CAPN13: variants seen among roughly 807,000 people sequenced by gnomAD.
CAPN13 encodes calpain-13.
A neutral mutation model predicts 98.4 loss-of-function variants in CAPN13; 90 were observed. That is an observed-to-expected ratio of 0.92 (90% CI 0.77 to 1.09). The LOEUF (loss-of-function observed/expected upper bound fraction) is 1.09, where lower values mean the gene tolerates loss of function less well. Among genes scored for constraint, CAPN13 ranks in the 50% least tolerant of loss-of-function variants. The pLI, the probability that CAPN13 is intolerant of heterozygous loss-of-function variation, is 0.00. For synonymous variants in CAPN13, 330 were observed against 305.5 expected (o/e 1.08, Z -0.84); for missense variants, 887 against 841.3 (o/e 1.05, Z -0.67).
intron 7 of CAPN13, among the ~76,000 whole-genome samples, chr2:30,762,526 C>G (rs1038090844): frequency 1.3e-5 from 2 of 152,168 alleles, no homozygotes; most frequent in African/African-American, 2.4e-5. Context: ...TGAGTGTCTC[C>G]TGGCCTCTTT....
At chr2:30,765,782 A>T (rs1673080081) in intron 5 of CAPN13, among the ~76,000 whole-genome samples, 1 of 152,356 alleles carries the variant, frequency 6.6e-6, no homozygotes, top group Non-Finnish European at 1.5e-5. Context: ...AATGGCTTAG[A>T]AAGCCTTTTA....
At chr2:30,742,075 G>A in intron 14 of CAPN13, 111 bp from the exon 15 acceptor site, 1 of 1,086,650 alleles carries the variant, frequency 9.2e-7, no homozygotes, top group Non-Finnish European at 1.4e-6. Context: ...AGTCTTTATT[G>A]GGCAGTTGGA....
chr2:30,765,166 A>G (rs1284750846), intron 5 of CAPN13, among the ~76,000 whole-genome samples: 1 of 152,194 alleles, frequency 6.6e-6, no homozygotes, highest in Admixed American at 6.5e-5. Flanking sequence ...GTCACAAAGG[A>G]ACCTCTCATG....
At chr2:30,725,913 A>G (rs1195363693) in intron 22 of CAPN13, among the ~76,000 whole-genome samples, 1 of 152,206 alleles carries the variant, frequency 6.6e-6, no homozygotes, top group Non-Finnish European at 1.5e-5. Flanking sequence ...TAACAAGATA[A>G]TATTAACTAC....
In CAPN13 at chr2:30,777,542, C is replaced by T. The variant is rs375284962; in HGVS notation, c.271+25G>A. 1.6e-4 allele frequency: 242 copies of T among 1,553,744 alleles called. 1 individual carries two copies. The African/African-American group carries it at 2.7e-3, about 17-fold the overall frequency. On this transcript the variant is annotated intron_variant, in intron 3 of 22. Coordinates refer to ENST00000295055, the MANE Select transcript of CAPN13 (RefSeq NM_144575.3). The stretch of plus-strand genomic sequence containing the variant: ...CCTCCACCACTTCCTATCCAGGGCA[C>T]GGAGGGAAGATGTTGCACTCTTACC...
intron 7 of CAPN13, among the ~76,000 whole-genome samples, chr2:30,759,863 G>C (rs1482433195): frequency 6.6e-6 from 1 of 152,182 alleles, no homozygotes; most frequent in African/African-American, 2.4e-5. Flanking sequence ...ATGCTCAGCA[G>C]TGGGGCATTG....
At chr2:30,775,812 T>G (rs1219428650) in intron 4 of CAPN13, 118 bp downstream of exon 4, 6 of 545,716 alleles carry the variant, frequency 1.1e-5, no homozygotes, top group Non-Finnish European at 1.8e-5. Context: ...GGAGGGTAAC[T>G]AACACAACTG....
Position 30,777,654 on chromosome 2 carries a change from G to A in CAPN13, c.199-15C>T. 2 of 1,552,368 alleles carry A rather than the reference G, an allele frequency of 1.3e-6. No individual in the cohort carries two copies. The highest frequency in any genetic ancestry group is 8.8e-7 in the Non-Finnish European group (1 of 1,142,044). ...CCTGGTAGATCCTTTAGGAAAGAGGGAGAAAAGCTATGAACATCGTTTATT... is the reference window on the plus strand; with the variant it reads ...CCTGGTAGATCCTTTAGGAAAGAGGAAGAAAAGCTATGAACATCGTTTATT... On this transcript the variant is annotated splice_polypyrimidine_tract_variant and intron_variant, in intron 2 of 22. Transcript: ENST00000295055.
chr2:30,770,536 T>C, intron 4 of CAPN13, 87 bp from the exon 5 acceptor site: 1 of 1,489,358 alleles, frequency 6.7e-7, no homozygotes, highest in Non-Finnish European at 9.2e-7. Context: ...AGTTGCAACA[T>C]GACCTCTACA....
intron 15 of CAPN13, chr2:30,741,478 G>A: frequency 8.9e-6 from 9 of 1,016,922 alleles, no homozygotes; most frequent in Non-Finnish European, 9.4e-6. Context: ...GAAATCCTGT[G>A]TGCACATAGG....
intron 22 of CAPN13, among the ~76,000 whole-genome samples, chr2:30,728,341 A>C (rs1386312891): frequency 1.3e-5 from 2 of 152,066 alleles, no homozygotes; most frequent in African/African-American, 4.8e-5. Flanking sequence ...ATCTCAATAT[A>C]TTTCTTTAAA....
chr2:30,752,644 T>C (rs1032988590), intron 10 of CAPN13, among the ~76,000 whole-genome samples: 1 of 152,144 alleles, frequency 6.6e-6, no homozygotes, highest in African/African-American at 2.4e-5. Context: ...GGGTGACCAA[T>C]TATGTTTCCA....
chr2:30,734,415 C>T (rs758500373), intron 19 of CAPN13, 34 bp downstream of exon 19: 1 of 1,578,306 alleles, frequency 6.3e-7, no homozygotes, highest in South Asian at 1.1e-5. Context: ...CTCCCCGGAC[C>T]TTGGGCACCA....
chr2:30,763,182 C>T (rs781219447), intron 6 of CAPN13, 26 bp from the exon 7 acceptor site: 20 of 1,593,830 alleles, frequency 1.3e-5, no homozygotes, highest in African/African-American at 1.2e-4. Flanking sequence ...GCAGATCAAA[C>T]ATTAGACATC....
intron 1 of CAPN13, among the ~76,000 whole-genome samples, chr2:30,806,552 T>C (rs1572901155): frequency 3.3e-5 from 5 of 152,166 alleles, no homozygotes; most frequent in Admixed American, 3.3e-4. Flanking sequence ...CCAGGACAAA[T>C]GGGACAGTCA....
chr2:30,758,193 G>T, intron 7 of CAPN13, 56 bp from the exon 8 acceptor site: 1 of 1,343,220 alleles, frequency 7.4e-7, no homozygotes, highest in South Asian at 1.4e-5. Flanking sequence ...TCAGCAGAAA[G>T]GGGGATGAAT....
chr2:30,733,886 C>G (rs1474391464), intron 19 of CAPN13, among the ~76,000 whole-genome samples: 1 of 152,156 alleles, frequency 6.6e-6, no homozygotes, highest in Admixed American at 6.5e-5. Flanking sequence ...CTGCCCTTCC[C>G]AGTTTGCAGG....
chr2:30,771,322 A>T (rs1572850448), intron 4 of CAPN13, among the ~76,000 whole-genome samples: 1 of 152,198 alleles, frequency 6.6e-6, no homozygotes, highest in Non-Finnish European at 1.5e-5. Context: ...GGTGGACTCC[A>T]TGGAAAGCTG....
Position 30,764,112 on chromosome 2 carries a change from A to G in CAPN13, c.699+20T>C. 1 of 1,550,460 alleles carries G rather than the reference A, an allele frequency of 6.4e-7. No individual in the cohort carries two copies. The highest frequency in any genetic ancestry group is 8.7e-7 in the Non-Finnish European group (1 of 1,146,066). On this transcript the variant is annotated intron_variant, in intron 6 of 22. Transcript: ENST00000295055. Reference sequence around the variant, plus strand: ...TGAGGAAAGCTTGAACTGGTGCAAAAGGGCTCCCCAGTGACTTACCCCACT... The same window carrying G: ...TGAGGAAAGCTTGAACTGGTGCAAAGGGGCTCCCCAGTGACTTACCCCACT...
Sources: allele counts gnomAD v4.1 joint callset (sites outside exome capture counted in the v4.1 genomes callset), GRCh38; gene constraint gnomAD v4.1.1; transcripts MANE v1.5; gene names NCBI Gene and HGNC (gene_info 2026-07-23, HGNC 2026-07-21).